Variants in TRMT44 observed in about 807,000 individuals in gnomAD.
TRMT44 encodes the protein probable tRNA (uracil-O(2)-)-methyltransferase.
TRMT44 carries 78 observed loss-of-function variants against 77.3 expected under a neutral mutation model. The observed-to-expected ratio is 1.01, with a 90% CI of 0.84 to 1.22. The LOEUF (loss-of-function observed/expected upper bound fraction) is 1.22. TRMT44 is among the 50% of genes most tolerant of loss of function. The pLI is 0.00. For synonymous variants in TRMT44, 391 were observed against 383.3 expected (o/e 1.02, Z -0.23); for missense variants, 1,090 against 964.4 (o/e 1.13, Z -1.73).
At chr4:8,479,450 G>C (rs1350030189), downstream of TRMT44, 1 of 152,116 alleles carries the variant, frequency 6.6e-6, no homozygotes, top group Non-Finnish European at 1.5e-5. Flanking sequence ...GGCTGTGGGG[G>C]ACGGGATGGC....
At chr4:8,497,798 C>T (rs1267561321), downstream of TRMT44, among the ~76,000 whole-genome samples, 1 of 152,190 alleles carries the variant, frequency 6.6e-6, no homozygotes, top group Non-Finnish European at 1.5e-5. Flanking sequence ...CTCTATTTCC[C>T]ACAACATTTC....
rs749119568 is a variant in TRMT44, at chr4:8,467,965, G to A, written c.1546G>A (p.Val516Met). 7.4e-6 allele frequency: 12 copies of A among 1,613,780 alleles called. No homozygotes were observed. In the Admixed American group the frequency reaches 1.0e-4, roughly 13 times the overall value. ...RTYPSSREAS[V>M]DEKRTQYIKS... is the part of the protein sequence containing the mutation. Reference sequence around the variant, plus strand: ...ATACCCTTCCTCCAGAGAAGCTTCCGTGGATGAAAAGAGGACTCAGTACAT... The same window carrying A: ...ATACCCTTCCTCCAGAGAAGCTTCCATGGATGAAAAGAGGACTCAGTACAT... The change falls in exon 9 of 11, where the codon GTG (valine) becomes ATG (methionine). Residue 516 changes from valine (V) to methionine (M), a missense_variant. Physicochemically the swap from Val to Met is conservative, Grantham distance 21. Coordinates refer to ENST00000389737, the MANE Select transcript of TRMT44 (RefSeq NM_152544.3).
chr4:8,441,299 G>A lies in TRMT44; in HGVS notation c.477G>A (p.Glu159=). The part of the protein sequence containing the change: ...FSQSLARGNS[E]LLAFLTSSGA... ...AAAGTCTCGCCCGTGGCAATTCGGAGTTGCTGGCCTTCCTCACCAGCTCCG... is the reference window on the plus strand; with the variant it reads ...AAAGTCTCGCCCGTGGCAATTCGGAATTGCTGGCCTTCCTCACCAGCTCCG... Residue 159 remains glutamate, a synonymous_variant, in exon 1 of 11, where the codon GAG becomes GAA. Coordinates refer to ENST00000389737, the MANE Select transcript of TRMT44 (RefSeq NM_152544.3). The A allele has an allele frequency of 6.5e-7, 1 of 1,535,610 alleles. No individual in the cohort carries two copies. Among genetic ancestry groups the A allele is most frequent in the Non-Finnish European group, 8.7e-7 (1 of 1,146,706 alleles).
At chr4:8,476,798 CA>C (rs763805712), downstream of TRMT44, 8 of 152,212 alleles carry the variant, frequency 5.3e-5, no homozygotes, top group Non-Finnish European at 1.0e-4. Context: ...GGCTGGAGTG[CA>C]GTGGCAAGAT....
the TRMT44 span, among the ~76,000 whole-genome samples, chr4:8,505,050 C>T: frequency 1.3e-5 from 2 of 152,208 alleles, no homozygotes; most frequent in Non-Finnish European, 2.9e-5. Flanking sequence ...CCTCCACCAA[C>T]AACAGCTGAT....
chr4:8,450,289 T>C (rs561941451), intron 3 of TRMT44, among the ~76,000 whole-genome samples: 1 of 152,286 alleles, frequency 6.6e-6, no homozygotes, highest in South Asian at 2.1e-4. Context: ...TAAAATTGTT[T>C]TTCCTGTTGC....
chr4:8,454,588 G>A lies in TRMT44; in HGVS notation c.1132-154G>A, dbSNP rs546486359. ...ATCACAGGGTAATGGCACCTGGTGC[G>A]CTGGACACATCAGGATGGGTATGAG... On this transcript the variant is annotated intron_variant, in intron 5 of 10. Coordinates refer to ENST00000389737, the MANE Select transcript of TRMT44 (RefSeq NM_152544.3). 2.3e-4 allele frequency: 153 copies of A among 655,464 alleles called. 1 individual carries two copies. The highest frequency in any genetic ancestry group is 2.2e-3 in the South Asian group (119 of 54,416). 40.6% of individuals were successfully genotyped at this position (655,464 alleles called of 1,614,324 possible).
At chr4:8,484,402 A>AT (rs1197048397) in intron 2 of TRMT44, among the ~76,000 whole-genome samples, 1 of 152,102 alleles carries the variant, frequency 6.6e-6, no homozygotes, top group African/African-American at 2.4e-5. Context: ...AAGAACATAG[A>AT]TTTTGGAAAT....
intron 10 of TRMT44, chr4:8,473,220 C>A (rs1422097470): frequency 6.6e-6 from 1 of 152,322 alleles, no homozygotes; most frequent in African/African-American, 2.4e-5. Context: ...TGAGCATGAC[C>A]CATGAGGGCC....
At position 8,490,755 on chromosome 4, in the gene TRMT44, G is replaced by A. The variant is rs372086790; in HGVS notation, n.3892-2511G>A. Among the ~76,000 whole-genome samples the A allele has an allele frequency of 2.8e-4, 43 of 152,270 alleles. No homozygotes were observed. In the East Asian group the frequency reaches 6.2e-3, roughly 22 times the overall value. On this transcript the variant is annotated intron_variant and non_coding_transcript_variant, in intron 2 of 2. Coordinates refer to the TRMT44 transcript ENST00000511366. ...CCACAGTGTGGAAGGGGCCCCGAGC[G>A]GGTTGCCACTGCTGACTGGAGCAGC...
At chr4:8,475,744 A>T in intron 10 of TRMT44, 28 bp from the exon 11 acceptor site, 1 of 1,607,402 alleles carries the variant, frequency 6.2e-7, no homozygotes, top group Non-Finnish European at 8.5e-7. Flanking sequence ...TTTACTTCTC[A>T]GTGTGTCTTC....
chr4:8,445,362 C>T (rs1381937405), intron 1 of TRMT44, among the ~76,000 whole-genome samples: 1 of 152,208 alleles, frequency 6.6e-6, no homozygotes, highest in Admixed American at 6.5e-5. Flanking sequence ...TCTCTCTGGT[C>T]TCACTCACAG....
chr4:8,465,705 T>C, intron 8 of TRMT44, 144 bp downstream of exon 8: 3 of 738,780 alleles, frequency 4.1e-6, no homozygotes, highest in Non-Finnish European at 4.3e-6. Context: ...CCTCTGTCAC[T>C]GATGAGGCCC....
chr4:8,448,069 T>A (rs559432459), intron 2 of TRMT44, among the ~76,000 whole-genome samples: 28 of 152,062 alleles, frequency 1.8e-4, no homozygotes, highest in Admixed American at 1.8e-3. Flanking sequence ...CGTTCACTGC[T>A]CTTTAACGAG....
chr4:8,443,053 G>A (rs1049004959), intron 1 of TRMT44, among the ~76,000 whole-genome samples: 1 of 152,168 alleles, frequency 6.6e-6, no homozygotes, highest in Non-Finnish European at 1.5e-5. Flanking sequence ...GCCTACCTCA[G>A]GCAGCAATTG....
chr4:8,471,200 G>T lies in TRMT44; in HGVS notation c.2044G>T (p.Val682Phe). The T allele has an allele frequency of 1.3e-6, 2 of 1,569,132 alleles. No homozygotes were observed. The highest frequency in any genetic ancestry group is 1.7e-6 in the Non-Finnish European group (2 of 1,157,250). The change falls in exon 10 of 11, where the codon GTT (valine) becomes TTT (phenylalanine). Residue 682 changes from valine to phenylalanine, a missense_variant and splice_region_variant. Val to Phe is a conservative substitution (Grantham distance 50). Coordinates refer to ENST00000389737, the MANE Select transcript of TRMT44 (RefSeq NM_152544.3). Reference protein sequence around the residue: ...LLRNSHQVFQVVNGRVHIRDW... With the variant: ...LLRNSHQVFQFVNGRVHIRDW... Reference sequence around the variant, plus strand: ...CCGGAACAGCCACCAGGTGTTCCAAGGTACGGAGTCCGCCTCTCCCCCGCC... The same window carrying T: ...CCGGAACAGCCACCAGGTGTTCCAATGTACGGAGTCCGCCTCTCCCCCGCC...
intron 7 of TRMT44, 67 bp from the exon 8 acceptor site, chr4:8,465,311 G>C: frequency 6.7e-7 from 1 of 1,490,616 alleles, no homozygotes; most frequent in Non-Finnish European, 9.1e-7. Context: ...GTGTGGCTTT[G>C]TTCCGAATTT....
At position 8,449,741 on chromosome 4, in the gene TRMT44, G is replaced by T; in HGVS notation, c.807G>T (p.Trp269Cys). The change falls in exon 3 of 11, where the codon TGG (tryptophan) becomes TGT (cysteine). Residue 269 changes from tryptophan to cysteine, a missense_variant. Physicochemically the swap from Trp to Cys is radical, Grantham distance 215. Coordinates refer to ENST00000389737, the MANE Select transcript of TRMT44 (RefSeq NM_152544.3). ...SDGIVYPKPT[W>C]LGEELLAKLA... ...GAATCGTGTATCCCAAACCCACGTG[G>T]CTTGGAGAAGAGTTGCTGGCCAAGT... The T allele has an allele frequency of 6.5e-7, 1 of 1,536,058 alleles. No individual in the cohort carries two copies. The highest frequency in any genetic ancestry group is 1.2e-5 in the South Asian group (1 of 84,052).
At chr4:8,463,765 G>C (rs1376594144) in intron 6 of TRMT44, among the ~76,000 whole-genome samples, 2 of 152,156 alleles carry the variant, frequency 1.3e-5, no homozygotes, top group African/African-American at 4.8e-5. Context: ...TAGTTTCTCC[G>C]GTGATTTCCC....
Sources: gnomAD v4.1 joint callset for allele counts (sites outside exome capture counted in the v4.1 genomes callset) on GRCh38, gnomAD v4.1.1 for gene constraint, MANE v1.5 for transcripts, NCBI Gene and HGNC (gene_info 2026-07-23, HGNC 2026-07-21) for gene names.